The following GALNT13 variants were observed in gnomAD, a reference collection of about 807,000 sequenced individuals.
GALNT13 encodes the protein UDP-GalNAc:polypeptide N-acetylgalactosaminyltransferase 13.
GALNT13 carries 28 observed loss-of-function variants against 64.2 expected under a neutral mutation model. The observed-to-expected ratio is 0.44, with a 90% CI of 0.32 to 0.60. The LOEUF is 0.60. GALNT13 is among the 20% of genes least tolerant of loss of function. The pLI is 0.05. For missense variants in GALNT13, 577 were observed against 669.8 expected (o/e 0.86, Z 1.53); for synonymous variants, 214 against 224.6 (o/e 0.95, Z 0.42).
the GALNT13 span, among the ~76,000 whole-genome samples, chr2:153,456,264 T>A: frequency 6.6e-6 from 1 of 152,346 alleles, no homozygotes; most frequent in African/African-American, 2.4e-5. Flanking sequence ...GCCTAGAGTG[T>A]ATCTGCTCCT....
At chr2:153,913,304 T>G (rs182489159) in intron 2 of GALNT13, among the ~76,000 whole-genome samples, 2 of 152,224 alleles carry the variant, frequency 1.3e-5, no homozygotes, top group African/African-American at 4.8e-5. Context: ...GGGGGCAGCA[T>G]GCATCCATGT....
Position 154,218,429 on chromosome 2 carries a change from C to T in GALNT13, c.312-23601C>T, listed in dbSNP as rs1461766118. On this transcript the variant is annotated intron_variant, in intron 4 of 12. Coordinates refer to ENST00000392825, the MANE Select transcript of GALNT13 (RefSeq NM_052917.4). Reference sequence around the variant, plus strand: ...TACAAGAAATATGCCCTCCCTTCACCTCCAATCCTCCTCCAGATGTTGTAC... The same window carrying T: ...TACAAGAAATATGCCCTCCCTTCACTTCCAATCCTCCTCCAGATGTTGTAC... Among the ~76,000 whole-genome samples the T allele has an allele frequency of 2.0e-5, 3 of 152,102 alleles. No individual in the cohort carries two copies. In the East Asian group the frequency reaches 5.8e-4, roughly 29 times the overall value.
At chr2:153,339,862 T>C in the GALNT13 span, among the ~76,000 whole-genome samples, 1 of 152,346 alleles carries the variant, frequency 6.6e-6, no homozygotes, top group South Asian at 2.1e-4. Context: ...GAGACTATTC[T>C]TTCCCCATTT....
intron 3 of GALNT13, among the ~76,000 whole-genome samples, chr2:154,098,802 T>G (rs1450646128): frequency 2.0e-5 from 3 of 152,134 alleles, no homozygotes; most frequent in Non-Finnish European, 4.4e-5. Flanking sequence ...TATACCACAT[T>G]TTCTTCATCC....
At chr2:153,854,581 C>CA in the GALNT13 span, among the ~76,000 whole-genome samples, 2 of 151,236 alleles carry the variant, frequency 1.3e-5, no homozygotes, top group East Asian at 1.9e-4. Context: ...AACTCTGCCT[C>CA]AAAAAAACCC....
intron 8 of GALNT13, among the ~76,000 whole-genome samples, chr2:154,269,930 A>ATATAT (rs1553506263): frequency 1.4e-5 from 2 of 142,856 alleles, no homozygotes; most frequent in African/African-American, 2.5e-5. Context: ...ATATATTTCT[A>ATATAT]AAGCACAGGG....
chr2:153,832,439 G>C, the GALNT13 span, among the ~76,000 whole-genome samples: 1 of 152,084 alleles, frequency 6.6e-6, no homozygotes, highest in Non-Finnish European at 1.5e-5. Context: ...GATTTAAGTT[G>C]TTCAGGGAAT....
At chr2:154,152,550 C>A (rs1466730638) in intron 4 of GALNT13, among the ~76,000 whole-genome samples, 1 of 152,134 alleles carries the variant, frequency 6.6e-6, no homozygotes, top group Non-Finnish European at 1.5e-5. Flanking sequence ...CCATTCACCC[C>A]GTCACTTTCA....
chr2:154,239,543 A>G (rs985335878), intron 4 of GALNT13, among the ~76,000 whole-genome samples: 12 of 152,166 alleles, frequency 7.9e-5, no homozygotes, highest in Admixed American at 2.6e-4. Context: ...CTCATTTACC[A>G]AGATGACTTT....
chr2:153,985,685 T>C (rs1482007897), intron 3 of GALNT13, among the ~76,000 whole-genome samples: 1 of 152,036 alleles, frequency 6.6e-6, no homozygotes, highest in Non-Finnish European at 1.5e-5. Context: ...GCTTCTTACC[T>C]GTCTTGGCCA....
chr2:153,972,691 A>G (rs1400365636), intron 3 of GALNT13, among the ~76,000 whole-genome samples: 1 of 152,004 alleles, frequency 6.6e-6, no homozygotes, highest in Admixed American at 6.6e-5. Context: ...TATTCATATT[A>G]ATATAAGGAA....
At chr2:154,286,898 T>G in intron 8 of GALNT13, 1 of 457,112 alleles carries the variant, frequency 2.2e-6, no homozygotes, top group African/African-American at 2.0e-5. Flanking sequence ...GCTAGCCAGT[T>G]TGCGCACATC....
At chr2:153,431,145 G>A in the GALNT13 span, among the ~76,000 whole-genome samples, 3 of 140,446 alleles carry the variant, frequency 2.1e-5, no homozygotes, top group Middle Eastern at 3.9e-3. Context: ...GAGAGACTCT[G>A]TCAAAAAAAA....
chr2:153,752,445 G>T, the GALNT13 span, among the ~76,000 whole-genome samples: 1 of 151,958 alleles, frequency 6.6e-6, no homozygotes, highest in Non-Finnish European at 1.5e-5. Context: ...AATCCCTCAG[G>T]TTTTGTTTGT....
At chr2:153,090,546 A>T in the GALNT13 span, among the ~76,000 whole-genome samples, 1 of 152,272 alleles carries the variant, frequency 6.6e-6, no homozygotes, top group Admixed American at 6.5e-5. Context: ...TTCTGTCATG[A>T]GTTGCTGTAA....
At chr2:153,572,113 A>G in the GALNT13 span, among the ~76,000 whole-genome samples, 3 of 151,732 alleles carry the variant, frequency 2.0e-5, no homozygotes, top group South Asian at 6.2e-4. Context: ...TATCCCTTCG[A>G]TCTCATTACT....
chr2:153,173,540 TTTAAAG>T, the GALNT13 span, among the ~76,000 whole-genome samples: 1 of 152,200 alleles, frequency 6.6e-6, no homozygotes, highest in African/African-American at 2.4e-5. Flanking sequence ...TTGTTTTAAC[TTTAAAG>T]TTAAAGACCA....
the GALNT13 span, among the ~76,000 whole-genome samples, chr2:153,580,645 T>A: frequency 4.6e-5 from 7 of 152,338 alleles, no homozygotes; most frequent in East Asian, 9.6e-4. Context: ...AGTTTTGCTT[T>A]ATCTTGTGAG....
At chr2:154,320,356 C>A (rs74625259) in intron 9 of GALNT13, among the ~76,000 whole-genome samples, 3,122 of 152,222 alleles carry the variant, frequency 0.021, 87 homozygotes, top group African/African-American at 0.064. Context: ...TATTTTCTTC[C>A]ATTATGCTTT....
Sources: allele counts gnomAD v4.1 joint callset (sites outside exome capture counted in the v4.1 genomes callset), GRCh38; gene constraint gnomAD v4.1.1; transcripts MANE v1.5; gene names NCBI Gene and HGNC (gene_info 2026-07-23, HGNC 2026-07-21).